KDM5B: variants seen among roughly 807,000 people sequenced by gnomAD.
The protein encoded by KDM5B is lysine-specific demethylase 5B.
In KDM5B, 144 loss-of-function variants were observed where a neutral mutation model predicts 193.4. The observed-to-expected ratio is 0.74, with a 90% confidence interval of 0.65 to 0.86. The LOEUF is 0.86. Among genes scored for constraint, KDM5B ranks in the 40% least tolerant of loss-of-function variants. The probability of loss-of-function intolerance (pLI) is 0.00; values close to 1 mark genes in which losing one functional copy is unlikely to be tolerated. For missense variants in KDM5B, 1,833 were observed against 1,886.9 expected (o/e 0.97, Z 0.53); for synonymous variants, 668 against 682.6 (o/e 0.98, Z 0.33).
chr1:202,740,849 A>G, intron 19 of KDM5B, 37 bp from the exon 20 acceptor site: 4 of 1,564,292 alleles, frequency 2.6e-6, no homozygotes, highest in Non-Finnish European at 3.5e-6. Flanking sequence ...AGCATTTTAT[A>G]TGATGGTTCA....
In KDM5B at chr1:202,741,423, T is replaced by C; in HGVS notation, c.2889A>G (p.Glu963=). 1 of 1,602,102 alleles carries C rather than the reference T, an allele frequency of 6.2e-7. No individual in the cohort carries two copies. The highest frequency in any genetic ancestry group is 8.5e-7 in the Non-Finnish European group (1 of 1,172,836). ...CCCAGTGCTCTGACACTGTGAGCAGTTCCTGCAGCCGGGCCATAGCTTTCT... is the reference window on the plus strand; with the variant it reads ...CCCAGTGCTCTGACACTGTGAGCAGCTCCTGCAGCCGGGCCATAGCTTTCT... The part of the protein sequence containing the change: ...AVEKAMARLQ[E]LLTVSEHWDD... The change falls in exon 19 of 27, where the codon GAA becomes GAG. Residue 963 remains glutamate, a synonymous_variant. Transcript: ENST00000367265.
chr1:202,730,042 G>A lies in KDM5B; in HGVS notation c.4177-15C>T. 9 of 1,588,396 alleles carry A rather than the reference G, an allele frequency of 5.7e-6. No individual in the cohort carries two copies. The highest frequency in any genetic ancestry group is 7.7e-6 in the Non-Finnish European group (9 of 1,168,660). ...CAACAGTCATTCTGGGTGGAAGATA[G>A]GAAAGTTCAATTTTCGCCTATGGGT... On this transcript the variant is annotated splice_polypyrimidine_tract_variant and intron_variant, in intron 25 of 26. Transcript: ENST00000367265.
rs375607871 is a variant in KDM5B at position 202,740,792 on chromosome 1, C to T, written c.2966G>A (p.Ser989Asn). 5.0e-6 allele frequency: 8 copies of T among 1,611,850 alleles called. No homozygotes were observed. The Admixed American group carries it at 5.0e-5, about 10-fold the overall frequency. Residue 989 changes from serine (S) to asparagine (N), a missense_variant, in exon 20 of 27, where the codon AGC becomes AAC. Physicochemically the swap from Ser to Asn is conservative, Grantham distance 46 (BLOSUM62 1). Around this residue, in one of 3 missense-constraint regions of KDM5B, gnomAD observed 1,379 missense variants for 1,349.6 expected, o/e 1.02. Transcript: ENST00000367265. ...GATTTCCTTTACTGCCGTAGCAAGG[C>T]TATTCAATGAATGTCGTGGCCTACA... ...LKARPRHSLN[S>N]LATAVKEIEE...
In KDM5B at chr1:202,774,688, G is replaced by A. The variant is rs780992209; in HGVS notation, c.330C>T (p.Tyr110=). 3 of 1,612,800 alleles carry A rather than the reference G, an allele frequency of 1.9e-6. No homozygotes were observed. The South Asian group carries it at 3.3e-5, about 18-fold the overall frequency. ...KLNFLDQIAK[Y]WELQGSTLKI... is the part of the protein sequence containing the mutation. ...TCAGAGTACTTCCCTGTAACTCCCA[G>A]TACTTTGCAATCTGGTCCAAGAAAT... The change falls in exon 3 of 27, where the codon TAC becomes TAT. Residue 110 remains tyrosine, a synonymous_variant. Transcript: ENST00000367265.
At chr1:202,741,823 T>A in intron 18 of KDM5B, 101 bp from the exon 19 acceptor site, 1 of 664,066 alleles carries the variant, frequency 1.5e-6, no homozygotes, top group Non-Finnish European at 2.6e-6. Flanking sequence ...AGATCCCATT[T>A]AATTTTAGTA....
At chr1:202,801,586 T>C (rs1177709873) in intron 1 of KDM5B, among the ~76,000 whole-genome samples, 1 of 152,182 alleles carries the variant, frequency 6.6e-6, no homozygotes, top group Non-Finnish European at 1.5e-5. Flanking sequence ...CATTTCTGAA[T>C]GAATTTGTGG....
intron 1 of KDM5B, among the ~76,000 whole-genome samples, chr1:202,784,275 A>T (rs1657318184): frequency 6.6e-6 from 1 of 152,188 alleles, no homozygotes; most frequent in Non-Finnish European, 1.5e-5. Flanking sequence ...TGCTCTACAG[A>T]GGCTACGAAA....
intron 1 of KDM5B, among the ~76,000 whole-genome samples, chr1:202,800,567 T>C (rs983638033): frequency 6.6e-6 from 1 of 152,098 alleles, no homozygotes; most frequent in East Asian, 1.9e-4. Context: ...CTCAAACGCC[T>C]GACCTCAAGC....
chr1:202,802,461 C>T (rs1465582179), intron 1 of KDM5B, among the ~76,000 whole-genome samples: 1 of 152,018 alleles, frequency 6.6e-6, no homozygotes, highest in African/African-American at 2.4e-5. Context: ...GGAGTGATCT[C>T]GGCTCACTGC....
intron 11 of KDM5B, 66 bp downstream of exon 11, chr1:202,755,205 A>G (rs1572729444): frequency 2.4e-6 from 3 of 1,231,210 alleles, no homozygotes; most frequent in East Asian, 4.6e-5. Flanking sequence ...ACACATCTGC[A>G]CTGAAAAGGA....
chr1:202,747,600 T>A (rs1280098743), intron 14 of KDM5B, among the ~76,000 whole-genome samples: 2 of 151,830 alleles, frequency 1.3e-5, no homozygotes. Flanking sequence ...TATTACTATT[T>A]GCAGATATTA....
chr1:202,738,668 C>T (rs1655185624), intron 20 of KDM5B, among the ~76,000 whole-genome samples: 1 of 152,064 alleles, frequency 6.6e-6, no homozygotes, highest in Admixed American at 6.6e-5. Context: ...AATTTGAGGA[C>T]TTCAACAAAA....
intron 18 of KDM5B, 92 bp from the exon 19 acceptor site, chr1:202,741,814 G>C: frequency 1.4e-6 from 1 of 706,362 alleles, no homozygotes; most frequent in Non-Finnish European, 2.3e-6. Flanking sequence ...TATTCAATGA[G>C]ATCCCATTTA....
intron 4 of KDM5B, among the ~76,000 whole-genome samples, chr1:202,768,525 T>A (rs1353978684): frequency 2.6e-5 from 4 of 152,018 alleles, no homozygotes; most frequent in African/African-American, 9.7e-5. Context: ...AAGAACAAAA[T>A]AAAGTACAAA....
At position 202,728,270 on chromosome 1, in the gene KDM5B, G is replaced by A. The variant is rs1235712493; in HGVS notation, c.*766C>T. On this transcript the variant is annotated 3_prime_UTR_variant, in exon 27 of 27. Coordinates refer to ENST00000367265, the MANE Select transcript of KDM5B (RefSeq NM_006618.5). ...TGATACAAGCTACCAAAAAATAGGGGAGAAAGGAAGGGACAGGGAGAAAGC... is the reference window on the plus strand; with the variant it reads ...TGATACAAGCTACCAAAAAATAGGGAAGAAAGGAAGGGACAGGGAGAAAGC... The A allele has an allele frequency of 6.6e-6, 1 of 152,590 alleles. No individual in the cohort carries two copies. Among genetic ancestry groups the A allele is most frequent in the East Asian group, 1.9e-4 (1 of 5,198 alleles). The allele number at this position is 152,590 out of a possible 1,614,324, so 9.5% of individuals were successfully genotyped here.
chr1:202,763,930 C>G (rs1035378385), intron 6 of KDM5B, 119 bp downstream of exon 6: 1 of 635,570 alleles, frequency 1.6e-6, no homozygotes, highest in African/African-American at 1.9e-5. Context: ...TATGTACTGG[C>G]TGCTCTAAAT....
chr1:202,755,332 A>T lies in KDM5B; in HGVS notation c.1477T>A (p.Phe493Ile). ...TCAATGTGCCAACAGAATGAAGAAA[A>T]GCACATTCCCACATACAACCAAGGA... ...KLPWLYVGMC[F>I]SSFCWHIEDH... is the part of the protein sequence containing the mutation. The change falls in exon 11 of 27, where the codon TTT (phenylalanine) becomes ATT (isoleucine). Residue 493 changes from phenylalanine to isoleucine, a missense_variant. By Grantham distance (21) the Phe-to-Ile change is conservative. Coordinates refer to ENST00000367265, the MANE Select transcript of KDM5B (RefSeq NM_006618.5). 6.2e-7 allele frequency: 1 copy of T among 1,614,130 alleles called. No homozygotes were observed. The highest frequency in any genetic ancestry group is 8.5e-7 in the Non-Finnish European group (1 of 1,179,968).
chr1:202,753,495 C>T (rs1297561103), intron 11 of KDM5B, among the ~76,000 whole-genome samples: 2 of 150,098 alleles, frequency 1.3e-5, no homozygotes, highest in African/African-American at 2.4e-5. Context: ...GACTCCATCT[C>T]AAAAAAAACA....
intron 14 of KDM5B, among the ~76,000 whole-genome samples, chr1:202,748,566 G>A (rs1046805112): frequency 6.6e-6 from 1 of 151,728 alleles, no homozygotes; most frequent in Non-Finnish European, 1.5e-5. Flanking sequence ...AAAACCAAAT[G>A]TTTTAAAAAA....
Sources: gnomAD v4.1 joint callset for allele counts (sites outside exome capture counted in the v4.1 genomes callset) on GRCh38, gnomAD v4.1.1 for gene constraint, gnomAD v4.1.1 regional missense constraint, MANE v1.5 for transcripts, NCBI Gene and HGNC (gene_info 2026-07-23, HGNC 2026-07-21) for gene names.